The following TNFRSF19 variants were observed in gnomAD, a reference collection of about 807,000 sequenced individuals.
The protein encoded by TNFRSF19 is tumor necrosis factor receptor superfamily member 19.
A neutral mutation model predicts 46.4 loss-of-function variants in TNFRSF19; 27 were observed. The ratio of observed to expected loss-of-function variants is 0.58; its 90% CI spans 0.43 to 0.80. The LOEUF (loss-of-function observed/expected upper bound fraction) is 0.80. Ranked by LOEUF, TNFRSF19 falls within the 30% of genes least tolerant of loss-of-function variation. TNFRSF19 has a pLI of 0.00. For synonymous variants in TNFRSF19, 204 were observed against 205.0 expected (o/e 1.00, Z 0.04); for missense variants, 511 against 530.8 (o/e 0.96, Z 0.37).
intron 9 of TNFRSF19, among the ~76,000 whole-genome samples, chr13:23,671,587 G>GC (rs2138424697): frequency 6.6e-6 from 1 of 152,118 alleles, no homozygotes; most frequent in South Asian, 2.1e-4. Flanking sequence ...GCCTTTGGGG[G>GC]CCTGGTCCTC....
intron 5 of TNFRSF19, among the ~76,000 whole-genome samples, chr13:23,636,530 G>T (rs1425661734): frequency 2.0e-5 from 3 of 152,320 alleles, no homozygotes; most frequent in Admixed American, 6.5e-5. Flanking sequence ...GGCTGCCCTG[G>T]TGAAAACCAC....
At chr13:23,657,003 G>T (rs561211419) in intron 5 of TNFRSF19, among the ~76,000 whole-genome samples, 1 of 152,126 alleles carries the variant, frequency 6.6e-6, no homozygotes, top group Non-Finnish European at 1.5e-5. Flanking sequence ...TGAACATTTA[G>T]TGTGTGCCGT....
At chr13:23,613,540 C>T (rs754561800) in intron 3 of TNFRSF19, among the ~76,000 whole-genome samples, 2 of 152,114 alleles carry the variant, frequency 1.3e-5, no homozygotes, top group Non-Finnish European at 2.9e-5. Context: ...CCTTGTACTT[C>T]TCCTCCTTCT....
At chr13:23,601,202 G>A (rs189137980) in intron 3 of TNFRSF19, among the ~76,000 whole-genome samples, 39 of 152,188 alleles carry the variant, frequency 2.6e-4, no homozygotes, top group Admixed American at 5.9e-4. Flanking sequence ...TATATCATTT[G>A]CAAATTGCAG....
At chr13:23,636,366 G>C (rs1198146046) in intron 5 of TNFRSF19, among the ~76,000 whole-genome samples, 1 of 152,232 alleles carries the variant, frequency 6.6e-6, no homozygotes, top group Non-Finnish European at 1.5e-5. Context: ...AAACATGTCA[G>C]GGAGTCTGTT....
At chr13:23,585,358 T>G (rs1246959399) in intron 1 of TNFRSF19, 1 of 152,206 alleles carries the variant, frequency 6.6e-6, no homozygotes. Flanking sequence ...GCACATATGT[T>G]TTCGTCATTT....
chr13:23,576,493 AC>A (rs1877966691), intron 1 of TNFRSF19, among the ~76,000 whole-genome samples: 1 of 152,120 alleles, frequency 6.6e-6, no homozygotes, highest in South Asian at 2.1e-4. Context: ...TTGTTCAGAC[AC>A]TGTCTCCAAA....
At chr13:23,581,604 A>C (rs1878440004) in intron 1 of TNFRSF19, among the ~76,000 whole-genome samples, 1 of 152,148 alleles carries the variant, frequency 6.6e-6, no homozygotes, top group African/African-American at 2.4e-5. Flanking sequence ...ATGGATTGCG[A>C]CATGTAATGT....
intron 3 of TNFRSF19, among the ~76,000 whole-genome samples, chr13:23,602,364 T>A (rs987489642): frequency 1.3e-5 from 2 of 152,092 alleles, no homozygotes; most frequent in Admixed American, 1.3e-4. Flanking sequence ...AATCAAACCA[T>A]GTGGGACAAA....
intron 3 of TNFRSF19, among the ~76,000 whole-genome samples, chr13:23,615,381 G>C (rs775509797): frequency 2.6e-4 from 39 of 152,284 alleles, no homozygotes; most frequent in Non-Finnish European, 5.3e-4. Flanking sequence ...ACTATTTCAA[G>C]GAGCTCTCCA....
chr13:23,591,423 A>G (rs1879279086), intron 2 of TNFRSF19, among the ~76,000 whole-genome samples: 1 of 152,292 alleles, frequency 6.6e-6, no homozygotes, highest in Non-Finnish European at 1.5e-5. Flanking sequence ...ACTGCACTCT[A>G]GCCTGGGCAA....
chr13:23,617,160 G>T (rs1204869867), intron 4 of TNFRSF19, among the ~76,000 whole-genome samples: 1 of 152,132 alleles, frequency 6.6e-6, no homozygotes, highest in African/African-American at 2.4e-5. Context: ...CCAGCAAGAG[G>T]TTCTCAGGTG....
chr13:23,604,259 A>ACC (rs34398587), intron 3 of TNFRSF19, among the ~76,000 whole-genome samples: 31,504 of 148,882 alleles, frequency 0.21, 3,686 homozygotes, highest in African/African-American at 0.31. Context: ...TTATATTAGC[A>ACC]CCCCCCCCAA....
intron 3 of TNFRSF19, among the ~76,000 whole-genome samples, chr13:23,605,118 A>G (rs368016363): frequency 6.6e-6 from 1 of 152,256 alleles, no homozygotes; most frequent in African/African-American, 2.4e-5. Context: ...ACACTGAGAA[A>G]ACAAACAAAT....
chr13:23,587,019 G>A (rs934747190), intron 1 of TNFRSF19, among the ~76,000 whole-genome samples: 1 of 151,944 alleles, frequency 6.6e-6, no homozygotes, highest in Non-Finnish European at 1.5e-5. Flanking sequence ...GGAGACTGGA[G>A]GTTTTGGCAA....
rs372450701 is a variant in TNFRSF19, at chr13:23,620,336, C to T, written c.359+4291C>T. 5.3e-5 allele frequency among the ~76,000 whole-genome samples: 8 copies of T among 152,164 alleles called. 2 individuals carry two copies. The South Asian group carries it at 8.3e-4, about 16-fold the overall frequency. ...CTTTTTGGTGCCACTCTGCCTCCTG[C>T]GGCCTCATTCTCTAGCAAGAACCTG... is the stretch of plus-strand genomic sequence containing the variant. On this transcript the variant is annotated intron_variant, in intron 4 of 9. Transcript: ENST00000248484.
intron 1 of TNFRSF19, among the ~76,000 whole-genome samples, chr13:23,588,962 C>T (rs943902838): frequency 1.8e-4 from 28 of 152,168 alleles, no homozygotes; most frequent in African/African-American, 5.8e-4. Flanking sequence ...CCGGGGCACC[C>T]GTCAGCTCAC....
chr13:23,663,477 G>GT (rs1884504350), intron 7 of TNFRSF19, among the ~76,000 whole-genome samples: 3 of 151,946 alleles, frequency 2.0e-5, no homozygotes, highest in Non-Finnish European at 1.5e-5. Context: ...CTGAAGTTTT[G>GT]TTTTTTTGTT....
intron 3 of TNFRSF19, among the ~76,000 whole-genome samples, chr13:23,609,793 A>G (rs893331519): frequency 6.6e-6 from 1 of 152,220 alleles, no homozygotes; most frequent in Non-Finnish European, 1.5e-5. Context: ...TTAATTTGTA[A>G]GCATAAAAAA....
Sources: allele counts gnomAD v4.1 joint callset (sites outside exome capture counted in the v4.1 genomes callset), GRCh38; gene constraint gnomAD v4.1.1; transcripts MANE v1.5; gene names NCBI Gene and HGNC (gene_info 2026-07-23, HGNC 2026-07-21).